ZNF677: variants seen among roughly 807,000 people sequenced by gnomAD.
ZNF677 encodes hypothetical protein MGC48625.
In ZNF677, 5 loss-of-function variants were observed where a neutral mutation model predicts 8.1. The observed-to-expected ratio is 0.62, with a 90% confidence interval of 0.32 to 1.29. The LOEUF (loss-of-function observed/expected upper bound fraction) is 1.29, where lower values mean the gene tolerates loss of function less well. Ranked by LOEUF, ZNF677 falls within the 50% of genes most tolerant of loss-of-function variation. ZNF677 has a pLI of 0.05. For missense variants in ZNF677, 685 were observed against 685.9 expected, an observed-to-expected ratio of 1.00 and a Z score of 0.01; for synonymous variants, 221 against 225.6, an observed-to-expected ratio of 0.98 and a Z score of 0.18.
chr19:53,248,103 T>A (rs1223553564), intron 3 of ZNF677, among the ~76,000 whole-genome samples: 1 of 152,190 alleles, frequency 6.6e-6, no homozygotes, highest in African/African-American at 2.4e-5. Flanking sequence ...ATCATTTCGG[T>A]TCCCTTCTTT....
chr19:53,246,775 A>G (rs2091150158), intron 3 of ZNF677, among the ~76,000 whole-genome samples: 1 of 152,190 alleles, frequency 6.6e-6, no homozygotes, highest in African/African-American at 2.4e-5. Context: ...CACAAGATGA[A>G]AAAGTCTTAG....
chr19:53,238,121 T>G lies in ZNF677; in HGVS notation c.606A>C (p.Leu202=), dbSNP rs748265563. 5 of 1,614,026 alleles carry G rather than the reference T, an allele frequency of 3.1e-6. No individual in the cohort carries two copies. The highest frequency in any genetic ancestry group is 4.2e-6 in the Non-Finnish European group (5 of 1,179,908). The change falls in exon 5 of 5, where the codon CTA becomes CTC. Residue 202 remains leucine (L), a synonymous_variant. Transcript: ENST00000598513. ...GLSLQAQLAE[L]QRFQTGEKMY... ...TTTTCTCCCCAGTTTGAAATCTCTG[T>G]AGTTCAGCCAGCTGTGCCTGTAAGC...
At chr19:53,254,006 C>A (rs917244209) in intron 1 of ZNF677, among the ~76,000 whole-genome samples, 1 of 152,094 alleles carries the variant, frequency 6.6e-6, no homozygotes, top group Non-Finnish European at 1.5e-5. Context: ...GTCAGTTAAC[C>A]CTCTGGCTGA....
rs1416977158 is a variant in ZNF677 at position 53,237,973 on chromosome 19, G to C, written c.754C>G (p.Gln252Glu). 2 of 1,612,554 alleles carry C rather than the reference G, an allele frequency of 1.2e-6. No individual in the cohort carries two copies. The highest frequency in any genetic ancestry group is 1.7e-5 in the Admixed American group (1 of 59,976). Residue 252 changes from glutamine to glutamate, a missense_variant, in exon 5 of 5, where the codon CAG becomes GAG. By Grantham distance (29) the Gln-to-Glu change is conservative. Transcript: ENST00000598513. ...TCTCTAATGTGTGTTCTCCCATACTGTGTATGTAATAAAGGGTATTTCAAA... is the reference window on the plus strand; with the variant it reads ...TCTCTAATGTGTGTTCTCCCATACTCTGTATGTAATAAAGGGTATTTCAAA... ...KILKYPLLHT[Q>E]YGRTHIREKS...
At chr19:53,242,359 G>A (rs895975922) in intron 4 of ZNF677, 10 of 398,638 alleles carry the variant, frequency 2.5e-5, no homozygotes, top group East Asian at 3.6e-5. Context: ...TAAAAGGTAC[G>A]GGAGTAAAAT....
intron 3 of ZNF677, among the ~76,000 whole-genome samples, chr19:53,246,548 T>C (rs939036245): frequency 1.3e-5 from 2 of 150,468 alleles, no homozygotes; most frequent in South Asian, 2.1e-4. Flanking sequence ...ACACGAATAT[T>C]ATTCAGCCTT....
chr19:53,237,874 G>A lies in ZNF677; in HGVS notation c.853C>T (p.His285Tyr), dbSNP rs774774812. The A allele has an allele frequency of 4.3e-6, 7 of 1,613,652 alleles. No individual in the cohort carries two copies. In the South Asian group the frequency reaches 6.6e-5, roughly 15 times the overall value. ...CATTTGTAAGGTCTCTGTCCAGAGT[G>A]AATTCTCTGATGATTAGTGAGGTTC... ...SSNLTNHQRI[H>Y]SGQRPYKCNE... Residue 285 changes from histidine (H) to tyrosine (Y), a missense_variant, in exon 5 of 5, where the codon CAC becomes TAC. His to Tyr is a moderately conservative substitution (Grantham distance 83). Transcript: ENST00000598513.
rs1289477656 is a variant in ZNF677, at chr19:53,243,726, A to T, written c.169+18T>A. Reference sequence around the variant, plus strand: ...GAGACTCACAAGGAAAAATGTAAAGATGTACAAGGGTGGTTACCATCTTCT... The same window carrying T: ...GAGACTCACAAGGAAAAATGTAAAGTTGTACAAGGGTGGTTACCATCTTCT... On this transcript the variant is annotated intron_variant, in intron 4 of 4. Transcript: ENST00000598513. 2.5e-6 allele frequency: 4 copies of T among 1,614,042 alleles called. No homozygotes were observed. The South Asian group carries it at 4.4e-5, about 18-fold the overall frequency.
At chr19:53,252,864 C>T (rs903679083) in intron 2 of ZNF677, among the ~76,000 whole-genome samples, 4 of 152,142 alleles carry the variant, frequency 2.6e-5, no homozygotes, top group Admixed American at 2.0e-4. Flanking sequence ...GGGTGCTAAT[C>T]GCACCCCACC....
rs143592638 is a variant in ZNF677 at position 53,237,686 on chromosome 19, G to T, written c.1041C>A (p.Tyr347Ter). ...ATGCCTTACCACATTCATTACATTT[G>T]TAAGGTTTCTCTCCAGTATGCATCC... is the stretch of plus-strand genomic sequence containing the variant. ...HQRMHTGEKP[Y>*]KCNECGKAFI... Residue 347 changes from tyrosine (Y) to a stop codon, truncating the protein, a stop_gained, in exon 5 of 5, where the codon TAC (tyrosine) becomes TAA (stop). Coordinates refer to ENST00000598513, the MANE Select transcript of ZNF677 (RefSeq NM_182609.4). LOFTEE classifies it low-confidence loss of function (END_TRUNC). The T allele has an allele frequency of 1.2e-6, 2 of 1,613,192 alleles. No homozygotes were observed. Among genetic ancestry groups the T allele is most frequent in the East Asian group, 4.5e-5 (2 of 44,878 alleles).
chr19:53,246,717 G>T (rs1006892660), intron 3 of ZNF677, among the ~76,000 whole-genome samples: 12 of 152,166 alleles, frequency 7.9e-5, no homozygotes, highest in Non-Finnish European at 4.4e-5. Context: ...AATGGTGGTT[G>T]CTAGGTGCTG....
At chr19:53,249,966 G>A (rs113252223) in intron 3 of ZNF677, among the ~76,000 whole-genome samples, 1,746 of 152,108 alleles carry the variant, frequency 0.011, 12 homozygotes, top group Non-Finnish European at 0.019. Context: ...TCTGCCTCCC[G>A]GGTTCAAGCG....
intron 3 of ZNF677, among the ~76,000 whole-genome samples, chr19:53,251,269 A>C (rs1023035492): frequency 6.6e-6 from 1 of 152,182 alleles, no homozygotes; most frequent in Non-Finnish European, 1.5e-5. Context: ...CCTCACTGAC[A>C]CCATGGAGCC....
chr19:53,243,770 T>C lies in ZNF677; in HGVS notation c.143A>G (p.Asp48Gly), dbSNP rs140693339. 4.4e-5 allele frequency: 71 copies of C among 1,614,082 alleles called. No homozygotes were observed. The highest frequency in any genetic ancestry group is 5.6e-5 in the Non-Finnish European group (66 of 1,180,046). Reference sequence around the variant, plus strand: ...ATCTTCTGGAGGGATGTTATCCTCATCGAGAGAAAGCAGGTTCCTGTAGTT... The same window carrying C: ...ATCTTCTGGAGGGATGTTATCCTCACCGAGAGAAAGCAGGTTCCTGTAGTT... ...LENYRNLLSL[D>G]EDNIPPEDDI... Residue 48 changes from aspartate to glycine, a missense_variant, in exon 4 of 5, where the codon GAT (aspartate) becomes GGT (glycine). Asp to Gly is a moderately conservative substitution (Grantham distance 94). Transcript: ENST00000598513.
At chr19:53,250,802 C>T (rs2091222635) in intron 3 of ZNF677, among the ~76,000 whole-genome samples, 1 of 152,128 alleles carries the variant, frequency 6.6e-6, no homozygotes, top group Admixed American at 6.5e-5. Context: ...AAACCTACCC[C>T]TGGACTAAAA....
chr19:53,241,014 A>G (rs2091041577), intron 4 of ZNF677: 1 of 152,166 alleles, frequency 6.6e-6, no homozygotes, highest in Admixed American at 6.6e-5. Flanking sequence ...TTTAAAAAGT[A>G]TAAGCTAAGA....
At position 53,237,469 on chromosome 19, in the gene ZNF677, T is replaced by C; in HGVS notation, c.1258A>G (p.Arg420Gly). The part of the protein sequence containing the change: ...KAFKQCSHLT[R>G]HQNIHPGEKP... ...TCTCCAGGATGTATATTCTGATGCC[T>C]AGTGAGATGTGAGCACTGCTTAAAA... is the stretch of plus-strand genomic sequence containing the variant. The change falls in exon 5 of 5, where the codon AGG becomes GGG. Residue 420 changes from arginine to glycine, a missense_variant. By Grantham distance (125) the Arg-to-Gly change is moderately radical. Coordinates refer to ENST00000598513, the MANE Select transcript of ZNF677 (RefSeq NM_182609.4). 1 of 1,613,930 alleles carries C rather than the reference T, an allele frequency of 6.2e-7. No homozygotes were observed. Among genetic ancestry groups the C allele is most frequent in the South Asian group, 1.1e-5 (1 of 91,062 alleles).
intron 4 of ZNF677, chr19:53,242,004 TCAC>T (rs1388864157): frequency 7.6e-6 from 3 of 393,828 alleles, no homozygotes; most frequent in Non-Finnish European, 1.3e-5. Context: ...TGATCTCGGC[TCAC>T]CACAACCTCT....
intron 3 of ZNF677, among the ~76,000 whole-genome samples, chr19:53,246,487 T>TACAC (rs60644090): frequency 0.021 from 2,907 of 140,308 alleles, 29 homozygotes; most frequent in Non-Finnish European, 0.03. Context: ...AAAGAAAATG[T>TACAC]ACACACACAC....
Sources: gnomAD v4.1 joint callset for allele counts (sites outside exome capture counted in the v4.1 genomes callset) on GRCh38, gnomAD v4.1.1 for gene constraint, MANE v1.5 for transcripts, NCBI Gene and HGNC (gene_info 2026-07-23, HGNC 2026-07-21) for gene names.